The following REDIC1 variants were observed in gnomAD, a reference collection of about 807,000 sequenced individuals.
REDIC1 encodes the protein regulator of DNA class I crossover intermediates 1.
chr12:39,818,432 A>G, the REDIC1 span, among the ~76,000 whole-genome samples: 1 of 152,344 alleles, frequency 6.6e-6, no homozygotes, highest in Admixed American at 6.5e-5. Context: ...CTTATCAATC[A>G]GTGAAGAGCT....
At chr12:39,720,780 T>C in the REDIC1 span, 19 of 1,592,356 alleles carry the variant, frequency 1.2e-5, no homozygotes, top group Non-Finnish European at 1.5e-5. Context: ...TATTAATTTC[T>C]TTTTAGCCAT....
chr12:39,772,352 TGCTTG>T, the REDIC1 span, among the ~76,000 whole-genome samples: 1 of 152,148 alleles, frequency 6.6e-6, no homozygotes, highest in Non-Finnish European at 1.5e-5. Flanking sequence ...AGGTGATAAC[TGCTTG>T]GCACATAGAA....
chr12:39,697,928 A>G, the REDIC1 span, among the ~76,000 whole-genome samples: 1 of 152,184 alleles, frequency 6.6e-6, no homozygotes, highest in Admixed American at 6.5e-5. Context: ...TTTGACTGTC[A>G]ATGGATTAAG....
the REDIC1 span, among the ~76,000 whole-genome samples, chr12:39,715,522 A>G: frequency 6.6e-6 from 1 of 152,046 alleles, no homozygotes; most frequent in Admixed American, 6.6e-5. Flanking sequence ...TACGAATTCA[A>G]TGCAATTCCC....
At chr12:39,747,506 G>A in the REDIC1 span, among the ~76,000 whole-genome samples, 2,391 of 152,316 alleles carry the variant, frequency 0.016, 58 homozygotes, top group African/African-American at 0.052. Context: ...CACTCTGCAG[G>A]ATATTATCCA....
the REDIC1 span, among the ~76,000 whole-genome samples, chr12:39,781,720 C>T: frequency 7.2e-5 from 11 of 152,186 alleles, no homozygotes; most frequent in Non-Finnish European, 1.6e-4. Flanking sequence ...CACACAAACA[C>T]ATAGACAAGC....
chr12:39,692,085 A>T, the REDIC1 span: 1 of 1,579,904 alleles, frequency 6.3e-7, no homozygotes, highest in African/African-American at 1.3e-5. Context: ...TTCTTTAAAA[A>T]GCAAGCGAAT....
the REDIC1 span, chr12:39,758,823 T>A: frequency 6.7e-6 from 1 of 149,800 alleles, no homozygotes; most frequent in African/African-American, 2.5e-5. Flanking sequence ...CTCAGGAAAA[T>A]GAGAAAAGTG....
At chr12:39,810,460 C>A in the REDIC1 span, among the ~76,000 whole-genome samples, 1 of 152,010 alleles carries the variant, frequency 6.6e-6, no homozygotes, top group African/African-American at 2.4e-5. Context: ...TATTCCTTTC[C>A]AAACTGTATG....
At chr12:39,704,584 A>T in the REDIC1 span, among the ~76,000 whole-genome samples, 1 of 151,710 alleles carries the variant, frequency 6.6e-6, no homozygotes, top group Admixed American at 6.6e-5. Context: ...ATATACCCAA[A>T]GGACTATAAA....
chr12:39,720,375 T>A, the REDIC1 span, among the ~76,000 whole-genome samples: 1 of 152,078 alleles, frequency 6.6e-6, no homozygotes, highest in Non-Finnish European at 1.5e-5. Flanking sequence ...ACAGGTTATA[T>A]GTTAGCTGTT....
the REDIC1 span, among the ~76,000 whole-genome samples, chr12:39,771,148 G>T: frequency 6.6e-6 from 1 of 152,130 alleles, no homozygotes; most frequent in Non-Finnish European, 1.5e-5. Flanking sequence ...CCGAGTGTGT[G>T]TCCCATCACC....
the REDIC1 span, among the ~76,000 whole-genome samples, chr12:39,653,512 CTTCTTCTTCTTCTTCTTCTTCTTCTTT>C: frequency 2.3e-3 from 115 of 50,676 alleles, 3 homozygotes; most frequent in African/African-American, 6.7e-3. Flanking sequence ...TCTTCTTCTT[CTTCTTCTTCTTCTTCTTCTTCTTCTTT>C]TTCTTCTTCT....
chr12:39,804,693 C>T, the REDIC1 span, among the ~76,000 whole-genome samples: 2 of 152,244 alleles, frequency 1.3e-5, no homozygotes, highest in East Asian at 1.9e-4. Context: ...CTAAACAGAA[C>T]GTCTGTCCTC....
chr12:39,721,511 C>T, the REDIC1 span: 1 of 347,714 alleles, frequency 2.9e-6, no homozygotes, highest in African/African-American at 2.2e-5. Flanking sequence ...TGTAAATGTA[C>T]TAGCGTTTTT....
At chr12:39,708,940 G>A in the REDIC1 span, among the ~76,000 whole-genome samples, 3 of 151,836 alleles carry the variant, frequency 2.0e-5, no homozygotes, top group South Asian at 2.1e-4. Context: ...AACTGTATGT[G>A]TTAGTTTAGT....
chr12:39,820,038 T>C, the REDIC1 span, among the ~76,000 whole-genome samples: 1 of 152,098 alleles, frequency 6.6e-6, no homozygotes, highest in African/African-American at 2.4e-5. Context: ...TAATTAAATA[T>C]AATATTAATA....
At chr12:39,709,524 C>G in the REDIC1 span, among the ~76,000 whole-genome samples, 1 of 151,500 alleles carries the variant, frequency 6.6e-6, no homozygotes, top group African/African-American at 2.4e-5. Flanking sequence ...CCCCCAGCCC[C>G]TGGCCATTAC....
At chr12:39,796,727 T>C in the REDIC1 span, among the ~76,000 whole-genome samples, 1 of 152,202 alleles carries the variant, frequency 6.6e-6, no homozygotes, top group South Asian at 2.1e-4. Context: ...TAGATGGGTC[T>C]TTTGGTTTCA....
Sources: gnomAD v4.1 joint callset for allele counts (sites outside exome capture counted in the v4.1 genomes callset) on GRCh38, gnomAD v4.1.1 for gene constraint, MANE v1.5 for transcripts, NCBI Gene and HGNC (gene_info 2026-07-23, HGNC 2026-07-21) for gene names.